NAV1: variants seen among roughly 807,000 people sequenced by gnomAD.
NAV1 encodes neuron navigator 1.
NAV1 carries 18 observed loss-of-function variants against 175.2 expected under a neutral mutation model. The observed-to-expected ratio is 0.10, with a 90% CI of 0.07 to 0.15. The LOEUF (loss-of-function observed/expected upper bound fraction) is 0.15. Among genes scored for constraint, NAV1 ranks in the 10% least tolerant of loss-of-function variants. The pLI, the probability that NAV1 is intolerant of heterozygous loss-of-function variation, is 1.00. For synonymous variants in NAV1, 897 were observed against 978.7 expected, an observed-to-expected ratio of 0.92 and a Z score of 1.56; for missense variants, 1,731 against 2,436.6, an observed-to-expected ratio of 0.71 and a Z score of 6.10.
chr1:201,663,696 AGGTG>A (rs2102361274), intron 1 of NAV1, among the ~76,000 whole-genome samples: 1 of 152,336 alleles, frequency 6.6e-6, no homozygotes, highest in African/African-American at 2.4e-5. Flanking sequence ...ATGGGGGAAC[AGGTG>A]GATGGGCTTG....
Position 201,794,496 on chromosome 1 carries a change from A to G in NAV1, c.3436A>G (p.Ile1146Val), listed in dbSNP as rs940252055. The G allele has an allele frequency of 4.3e-6, 7 of 1,613,676 alleles. No individual in the cohort carries two copies. Among genetic ancestry groups the G allele is most frequent in the East Asian group, 2.2e-5 (1 of 44,886 alleles). Reference sequence around the variant, plus strand: ...TGAGCTGCTGGATTTGCGAGAAACCATAGACTTTCTGAAGAAAAAGAACTC... The same window carrying G: ...TGAGCTGCTGGATTTGCGAGAAACCGTAGACTTTCTGAAGAAAAAGAACTC... Residue 1146 changes from isoleucine (I) to valine (V), a missense_variant, in exon 15 of 30, where the codon ATA becomes GTA. Physicochemically the swap from Ile to Val is conservative, Grantham distance 29 (BLOSUM62 3). Around this residue, in one of 13 missense-constraint regions of NAV1, gnomAD observed 85 missense variants for 168.7 expected, o/e 0.50. Transcript: ENST00000367296.
At position 201,804,485 on chromosome 1, in the gene NAV1, C is replaced by T. The variant is rs774686970; in HGVS notation, c.3640-4C>T. 40 of 1,543,730 alleles carry T rather than the reference C, an allele frequency of 2.6e-5. 1 individual carries two copies. The highest frequency in any genetic ancestry group is 8.7e-6 in the Non-Finnish European group (10 of 1,144,730). ...GCTGACTCCAAATCCCTATTTTTTT[C>T]CAGGTCTATGAGGTAAGAGACCCAG... On this transcript the variant is annotated splice_region_variant and splice_polypyrimidine_tract_variant and intron_variant, in intron 16 of 29. Transcript: ENST00000367296.
chr1:201,728,628 A>T (rs183549478), intron 3 of NAV1, among the ~76,000 whole-genome samples: 1 of 151,706 alleles, frequency 6.6e-6, no homozygotes, highest in Non-Finnish European at 1.5e-5. Flanking sequence ...AAAGAAAAGA[A>T]AAAAAAGACA....
chr1:201,745,992 C>T (rs553595271), intron 3 of NAV1, among the ~76,000 whole-genome samples: 1 of 152,070 alleles, frequency 6.6e-6, no homozygotes, highest in South Asian at 2.1e-4. Flanking sequence ...CCACCATGCT[C>T]AGCTAATTTT....
At chr1:201,621,768 TAGAA>T (rs1191646776), upstream of NAV1, among the ~76,000 whole-genome samples, 1 of 152,274 alleles carries the variant, frequency 6.6e-6, no homozygotes, top group Non-Finnish European at 1.5e-5. Flanking sequence ...ATGTGGTACT[TAGAA>T]AGGCCTCTCC....
intron 2 of NAV1, among the ~76,000 whole-genome samples, chr1:201,613,035 G>A (rs948672154): frequency 5.3e-5 from 8 of 152,166 alleles, no homozygotes; most frequent in African/African-American, 1.9e-4. Context: ...CGTGTCAGAT[G>A]TTGTAAGAAA....
intron 1 of NAV1, among the ~76,000 whole-genome samples, chr1:201,578,997 A>G (rs1401617923): frequency 6.6e-6 from 1 of 151,938 alleles, no homozygotes; most frequent in Admixed American, 6.6e-5. Flanking sequence ...GCCAAGCATG[A>G]TGGCACACAC....
At chr1:201,580,641 C>T (rs983718839) in intron 1 of NAV1, among the ~76,000 whole-genome samples, 3 of 152,060 alleles carry the variant, frequency 2.0e-5, no homozygotes, top group African/African-American at 4.8e-5. Context: ...GGCGTGGTGG[C>T]GCACGCCTGT....
At chr1:201,681,028 T>A (rs1670444681) in intron 1 of NAV1, among the ~76,000 whole-genome samples, 1 of 152,126 alleles carries the variant, frequency 6.6e-6, no homozygotes, top group South Asian at 2.1e-4. Context: ...CACCATCATC[T>A]CCTTCATGAA....
chr1:201,712,436 G>C (rs1323022545), intron 1 of NAV1, among the ~76,000 whole-genome samples: 17 of 152,182 alleles, frequency 1.1e-4, no homozygotes. Context: ...CCCTGGATAG[G>C]GGGTTTCAGG....
intron 2 of NAV1, among the ~76,000 whole-genome samples, chr1:201,602,966 T>C (rs1432459338): frequency 6.6e-6 from 1 of 152,176 alleles, no homozygotes; most frequent in Non-Finnish European, 1.5e-5. Context: ...CAGAGGGATT[T>C]AGAGTACTGG....
chr1:201,618,948 C>T (rs1484909152), upstream of NAV1, among the ~76,000 whole-genome samples: 1 of 152,102 alleles, frequency 6.6e-6, no homozygotes, highest in Non-Finnish European at 1.5e-5. Context: ...AAATAACTCA[C>T]TGTTTGGGGA....
chr1:201,816,906 T>A (rs1216629203), intron 28 of NAV1, 182 bp from the exon 33 acceptor site: 1 of 595,130 alleles, frequency 1.7e-6, no homozygotes, highest in East Asian at 2.8e-5. Flanking sequence ...ACTTCTGACC[T>A]CAAGTGATCT....
chr1:201,765,493 C>T (rs1192453510), intron 3 of NAV1, among the ~76,000 whole-genome samples: 1 of 146,840 alleles, frequency 6.8e-6, no homozygotes, highest in East Asian at 2.1e-4. Flanking sequence ...CTCCCAATCT[C>T]AAGCAATTCT....
chr1:201,641,340 C>T (rs1320993519), intron 2 of NAV1, among the ~76,000 whole-genome samples: 2 of 152,190 alleles, frequency 1.3e-5, no homozygotes, highest in African/African-American at 4.8e-5. Context: ...CTGCTTCTGC[C>T]CTTGAGCCCA....
chr1:201,581,025 G>A lies in NAV1; in HGVS notation c.-143-7514G>A, dbSNP rs538613310. The stretch of plus-strand genomic sequence containing the variant: ...GCAGAGTACTCACTGCAGGTTGTTC[G>A]TGGGGGCCGGTGCATGGCATAGGGA... On this transcript the variant is annotated intron_variant, in intron 1 of 33. Transcript: ENST00000685211. 1.3e-3 allele frequency among the ~76,000 whole-genome samples: 204 copies of A among 152,304 alleles called. 2 individuals carry two copies. Among genetic ancestry groups the A allele is most frequent in the African/African-American group, 4.7e-3 (197 of 41,566 alleles).
intron 1 of NAV1, among the ~76,000 whole-genome samples, chr1:201,712,593 T>C (rs1040431173): frequency 6.6e-6 from 1 of 152,142 alleles, no homozygotes; most frequent in African/African-American, 2.4e-5. Context: ...GCCATGCCTG[T>C]ACCCCCTGCC....
In NAV1 at chr1:201,740,147, C is replaced by A; in HGVS notation, c.1226+21392C>A. 1 of 1,259,132 alleles carries A rather than the reference C, an allele frequency of 7.9e-7. No individual in the cohort carries two copies. The highest frequency in any genetic ancestry group is 1.1e-6 in the Non-Finnish European group (1 of 939,820). 78.0% of individuals were successfully genotyped at this position (1,259,132 alleles called of 1,614,324 possible). A position where few individuals can be genotyped will look rare whatever the true frequency, so the allele number is the denominator to read the frequency against. On this transcript the variant is annotated intron_variant, in intron 3 of 29. Transcript: ENST00000367296. The surrounding 1 kb of genome is among the most constrained non-coding windows in gnomAD (Gnocchi z 4.7). The stretch of plus-strand genomic sequence containing the variant: ...GGGGTCGGGTTTGTGGCACCCCCAG[C>A]CCCGCCGCAGCCCCCCAGTTCCGCC...
chr1:201,600,356 T>C (rs1197180683), intron 2 of NAV1, among the ~76,000 whole-genome samples: 1 of 152,164 alleles, frequency 6.6e-6, no homozygotes, highest in African/African-American at 2.4e-5. Flanking sequence ...CCCAACGACT[T>C]CTCCTTTTCC....
Sources: gnomAD v4.1 joint callset for allele counts (sites outside exome capture counted in the v4.1 genomes callset) on GRCh38, gnomAD v4.1.1 for gene constraint, gnomAD v4.1.1 regional missense constraint, Gnocchi (gnomAD v3.1) non-coding constraint, MANE v1.5 for transcripts, NCBI Gene and HGNC (gene_info 2026-07-23, HGNC 2026-07-21) for gene names.